The following ZBTB8A variants were observed in gnomAD, a reference collection of about 807,000 sequenced individuals.
ZBTB8A encodes zinc finger and BTB domain-containing protein 8A.
A neutral mutation model predicts 37.8 loss-of-function variants in ZBTB8A; 19 were observed. The ratio of observed to expected loss-of-function variants is 0.50; its 90% confidence interval spans 0.35 to 0.74. ZBTB8A has a LOEUF of 0.74. ZBTB8A is among the 30% of genes least tolerant of loss of function. The pLI is 0.01. For synonymous variants in ZBTB8A, 181 were observed against 185.2 expected (o/e 0.98, Z 0.19); for missense variants, 394 against 537.8 (o/e 0.73, Z 2.65).
intron 2 of ZBTB8A, among the ~76,000 whole-genome samples, chr1:32,553,921 C>T (rs1168224810): frequency 2.0e-5 from 3 of 147,236 alleles, no homozygotes; most frequent in Admixed American, 6.9e-5. Context: ...AATTTTGGGC[C>T]GGGTACGGTG....
chr1:32,582,627 G>A (rs1644415794), intron 2 of ZBTB8A, among the ~76,000 whole-genome samples: 1 of 151,418 alleles, frequency 6.6e-6, no homozygotes, highest in African/African-American at 2.4e-5. Context: ...TGGGCAACAG[G>A]AGTGAAACTC....
intron 4 of ZBTB8A, among the ~76,000 whole-genome samples, chr1:32,599,154 A>C (rs137862995): frequency 4.7e-4 from 71 of 152,222 alleles, no homozygotes; most frequent in African/African-American, 1.6e-3. Flanking sequence ...TCTCTAGTAA[A>C]ATAACAAAAA....
intron 2 of ZBTB8A, among the ~76,000 whole-genome samples, chr1:32,562,569 CTTTT>C (rs751648634): frequency 3.6e-5 from 4 of 111,836 alleles, no homozygotes; most frequent in Non-Finnish European, 5.4e-5. Context: ...CCGCGTCCGG[CTTTT>C]TTTTTTTTTT....
chr1:32,569,706 T>G (rs1339919821), intron 2 of ZBTB8A, among the ~76,000 whole-genome samples: 1 of 151,814 alleles, frequency 6.6e-6, no homozygotes, highest in Non-Finnish European at 1.5e-5. Context: ...TTTCCTTTCC[T>G]TAATGGTATC....
intron 1 of ZBTB8A, among the ~76,000 whole-genome samples, chr1:32,542,035 G>A (rs1644060428): frequency 6.6e-6 from 1 of 152,092 alleles, no homozygotes; most frequent in African/African-American, 2.4e-5. Flanking sequence ...CTTAAAATAG[G>A]TTTATTGGAA....
chr1:32,541,770 G>A (rs1644057177), intron 1 of ZBTB8A, among the ~76,000 whole-genome samples: 1 of 152,144 alleles, frequency 6.6e-6, no homozygotes, highest in African/African-American at 2.4e-5. Flanking sequence ...TCCCTCAGGT[G>A]CTTTTATAAG....
rs1052019437 is a variant in ZBTB8A at position 32,604,785 on chromosome 1, T to C, written c.*4366T>C. The C allele has an allele frequency of 1.3e-5, 2 of 152,146 alleles. No homozygotes were observed. The highest frequency in any genetic ancestry group is 2.9e-5 in the Non-Finnish European group (2 of 68,034). The allele number at this position is 152,146 out of a possible 1,614,324, so 9.4% of individuals were successfully genotyped here. A position where few individuals can be genotyped will look rare whatever the true frequency, so the allele number is the denominator to read the frequency against. On this transcript the variant is annotated 3_prime_UTR_variant, in exon 5 of 5. Coordinates refer to ENST00000373510, the MANE Select transcript of ZBTB8A (RefSeq NM_001040441.3). ...AGATATATTGAAATTTCCACTCATATTGGTTTTTAAAATTTTTTTTAGTCC... is the reference window on the plus strand; with the variant it reads ...AGATATATTGAAATTTCCACTCATACTGGTTTTTAAAATTTTTTTTAGTCC...
At chr1:32,576,532 G>A (rs895982386) in intron 2 of ZBTB8A, among the ~76,000 whole-genome samples, 4 of 152,076 alleles carry the variant, frequency 2.6e-5, no homozygotes, top group Admixed American at 6.6e-5. Flanking sequence ...AAGTTCAAGC[G>A]ATTCTTCTGC....
chr1:32,542,628 A>G (rs1458512698), intron 1 of ZBTB8A, among the ~76,000 whole-genome samples: 3 of 152,192 alleles, frequency 2.0e-5, no homozygotes, highest in Non-Finnish European at 4.4e-5. Context: ...TACACTCGCT[A>G]CTTAAATCTT....
intron 2 of ZBTB8A, among the ~76,000 whole-genome samples, chr1:32,588,930 G>C (rs1432694222): frequency 1.3e-5 from 2 of 151,922 alleles, no homozygotes; most frequent in Non-Finnish European, 2.9e-5. Flanking sequence ...GTTGCAGTAA[G>C]CCAAGATCGC....
At chr1:32,573,007 C>T (rs535221889) in intron 2 of ZBTB8A, among the ~76,000 whole-genome samples, 89 of 145,130 alleles carry the variant, frequency 6.1e-4, no homozygotes, top group Middle Eastern at 3.6e-3. Context: ...CTATTTTGTT[C>T]ATTTCCTTCC....
At position 32,574,661 on chromosome 1, in the gene ZBTB8A, A is replaced by G. The variant is rs58126348; in HGVS notation, c.-1-18270A>G. ...TGTTTTATGGCTCAGGGTATGGTCT[A>G]TCTTGATTAATGTTTGCTGTGTACT... is the stretch of plus-strand genomic sequence containing the variant. On this transcript the variant is annotated intron_variant, in intron 2 of 4. Coordinates refer to ENST00000373510, the MANE Select transcript of ZBTB8A (RefSeq NM_001040441.3). 4.6e-3 allele frequency among the ~76,000 whole-genome samples: 705 copies of G among 152,326 alleles called. 9 individuals are homozygous for G. The highest frequency in any genetic ancestry group is 0.043 in the East Asian group (225 of 5,192).
At chr1:32,552,916 A>ATTG (rs1491468566) in intron 1 of ZBTB8A, among the ~76,000 whole-genome samples, 1 of 116,564 alleles carries the variant, frequency 8.6e-6, no homozygotes, top group Non-Finnish European at 1.8e-5. Flanking sequence ...ATTTTAAATC[A>ATTG]TATATTACAT....
At position 32,603,499 on chromosome 1, in the gene ZBTB8A, C is replaced by A. The variant is rs1423390588; in HGVS notation, c.*3080C>A. On this transcript the variant is annotated 3_prime_UTR_variant, in exon 5 of 5. Transcript: ENST00000373510. ...AACGCTTGTCATTCTCTAGTCTTAC[C>A]CAATTAATACTGACACCTTTTGAAA... is the stretch of plus-strand genomic sequence containing the variant. 1 of 152,346 alleles carries A rather than the reference C, an allele frequency of 6.6e-6. No homozygotes were observed. The highest frequency in any genetic ancestry group is 2.4e-5 in the African/African-American group (1 of 41,422). 9.4% of individuals were successfully genotyped at this position (152,346 alleles called of 1,614,324 possible).
rs982685341 is a variant in ZBTB8A, at chr1:32,601,660, C to T, written c.*1241C>T. 15 of 398,430 alleles carry T rather than the reference C, an allele frequency of 3.8e-5. No individual in the cohort carries two copies. The highest frequency in any genetic ancestry group is 2.6e-4 in the Admixed American group (6 of 22,702). 24.7% of individuals were successfully genotyped at this position (398,430 alleles called of 1,614,324 possible). ...CTGAGAGAGAAAACTGATGATTGGA[C>T]AGGATCTGATTTTAAACAATCCTCT... On this transcript the variant is annotated 3_prime_UTR_variant, in exon 5 of 5. Transcript: ENST00000373510.
At chr1:32,593,867 T>A in intron 3 of ZBTB8A, 113 bp downstream of exon 3, 1 of 833,664 alleles carries the variant, frequency 1.2e-6, no homozygotes. Flanking sequence ...AGCAAGTGAT[T>A]TTTTTCAAAA....
intron 2 of ZBTB8A, among the ~76,000 whole-genome samples, chr1:32,568,415 C>G (rs1426500139): frequency 1.3e-5 from 2 of 150,546 alleles, no homozygotes; most frequent in Non-Finnish European, 3.0e-5. Context: ...GAGATGGAGT[C>G]TCGCTCTGTC....
intron 1 of ZBTB8A, among the ~76,000 whole-genome samples, chr1:32,549,739 G>A (rs1369805165): frequency 6.6e-6 from 1 of 152,058 alleles, no homozygotes; most frequent in Non-Finnish European, 1.5e-5. Context: ...CCCTGCCTCT[G>A]AAAATAAATA....
At chr1:32,562,561 G>A (rs1644251459) in intron 2 of ZBTB8A, among the ~76,000 whole-genome samples, 1 of 143,338 alleles carries the variant, frequency 7.0e-6, no homozygotes, top group African/African-American at 2.6e-5. Context: ...CTGAGCCACC[G>A]CGTCCGGCTT....
Sources: allele counts gnomAD v4.1 joint callset (sites outside exome capture counted in the v4.1 genomes callset), GRCh38; gene constraint gnomAD v4.1.1; transcripts MANE v1.5; gene names NCBI Gene and HGNC (gene_info 2026-07-23, HGNC 2026-07-21).